The following LRRC28 variants were observed in gnomAD, a reference collection of about 807,000 sequenced individuals.
LRRC28 encodes the protein leucine rich repeat containing 28.
LRRC28 carries 39 observed loss-of-function variants against 45.7 expected under a neutral mutation model. That is an observed-to-expected ratio of 0.85 (90% CI 0.66 to 1.12). The LOEUF (loss-of-function observed/expected upper bound fraction) is 1.12, where lower values mean the gene tolerates loss of function less well. LRRC28 is among the 50% of genes most tolerant of loss of function. The probability of loss-of-function intolerance (pLI) is 0.00; values close to 1 mark genes in which losing one functional copy is unlikely to be tolerated. For missense variants in LRRC28, 435 were observed against 438.5 expected (o/e 0.99, Z 0.07); for synonymous variants, 206 against 178.8 (o/e 1.15, Z -1.22).
chr15:99,271,046 T>A (rs1222516588), intron 2 of LRRC28, among the ~76,000 whole-genome samples: 1 of 152,238 alleles, frequency 6.6e-6, no homozygotes. Flanking sequence ...ATGTGCTTGT[T>A]GGTCATTTGC....
At chr15:99,376,565 A>G (rs1342491485) in intron 9 of LRRC28, among the ~76,000 whole-genome samples, 2 of 152,118 alleles carry the variant, frequency 1.3e-5, no homozygotes, top group African/African-American at 4.8e-5. Context: ...TGTAAGTTCT[A>G]GGGTACATGT....
intron 6 of LRRC28, among the ~76,000 whole-genome samples, chr15:99,343,590 C>A (rs960533754): frequency 1.3e-5 from 2 of 152,198 alleles, no homozygotes; most frequent in Admixed American, 6.5e-5. Context: ...TGAAAAAGTT[C>A]TTTGTGGCTG....
intron 6 of LRRC28, among the ~76,000 whole-genome samples, chr15:99,341,297 G>A (rs1284962505): frequency 2.0e-5 from 3 of 151,962 alleles, no homozygotes; most frequent in African/African-American, 7.3e-5. Context: ...TCACCGTGTT[G>A]GCCAGGCTGG....
chr15:99,304,366 C>G (rs767644040), intron 5 of LRRC28, among the ~76,000 whole-genome samples: 4 of 151,612 alleles, frequency 2.6e-5, no homozygotes, highest in Non-Finnish European at 5.9e-5. Flanking sequence ...ATTGGGGTGT[C>G]TTTTGAAGAG....
intron 2 of LRRC28, chr15:99,258,254 A>G (rs1234906830): frequency 2.5e-5 from 40 of 1,576,240 alleles, no homozygotes; most frequent in Non-Finnish European, 3.3e-5. Flanking sequence ...GGTTATTGTC[A>G]CTTCAAAACA....
intron 3 of LRRC28, among the ~76,000 whole-genome samples, chr15:99,282,747 A>T (rs1160172524): frequency 6.6e-6 from 1 of 152,222 alleles, no homozygotes; most frequent in Non-Finnish European, 1.5e-5. Flanking sequence ...ACCTAACGAC[A>T]CATTTCTTAG....
rs148101783 is a variant in LRRC28 at position 99,253,057 on chromosome 15, G to A, written c.-61+1516G>A. Among the ~76,000 whole-genome samples, 962 of 151,558 alleles carry A rather than the reference G, an allele frequency of 6.3e-3. 14 individuals are homozygous for A. Among genetic ancestry groups the A allele is most frequent in the African/African-American group, 0.022 (902 of 41,390 alleles). Reference sequence around the variant, plus strand: ...AGTGACAAATTGTGAGGAGTCCTACGAAGAAAAAACAAACAGCCAAGTTCC... The same window carrying A: ...AGTGACAAATTGTGAGGAGTCCTACAAAGAAAAAACAAACAGCCAAGTTCC... On this transcript the variant is annotated intron_variant, in intron 1 of 9. Coordinates refer to ENST00000301981, the MANE Select transcript of LRRC28 (RefSeq NM_144598.5).
At chr15:99,281,155 G>A (rs1177995749) in intron 3 of LRRC28, among the ~76,000 whole-genome samples, 3 of 150,798 alleles carry the variant, frequency 2.0e-5, no homozygotes, top group Admixed American at 1.3e-4. Context: ...AGCCTCCCAA[G>A]TAGCTAGAAG....
chr15:99,302,252 C>T (rs887418382), intron 5 of LRRC28, among the ~76,000 whole-genome samples: 1 of 152,106 alleles, frequency 6.6e-6, no homozygotes, highest in Non-Finnish European at 1.5e-5. Flanking sequence ...TGGTCTCGAT[C>T]TCCTGACCTC....
At chr15:99,306,677 A>T (rs1955193047) in intron 5 of LRRC28, among the ~76,000 whole-genome samples, 1 of 152,188 alleles carries the variant, frequency 6.6e-6, no homozygotes, top group Non-Finnish European at 1.5e-5. Context: ...GAAATGAAAG[A>T]AAGTTCTGGC....
intron 2 of LRRC28, among the ~76,000 whole-genome samples, chr15:99,270,844 C>T (rs866161415): frequency 2.6e-5 from 4 of 152,142 alleles, no homozygotes; most frequent in Admixed American, 6.5e-5. Context: ...TGAGGAGCCA[C>T]CAAAAAGTGG....
chr15:99,347,421 A>T (rs987407182), intron 6 of LRRC28, among the ~76,000 whole-genome samples: 2 of 152,106 alleles, frequency 1.3e-5, no homozygotes, highest in Non-Finnish European at 2.9e-5. Flanking sequence ...ATTAGCCAGG[A>T]TGGTCTTGAT....
At chr15:99,266,427 C>T (rs927557152) in intron 2 of LRRC28, among the ~76,000 whole-genome samples, 2 of 151,858 alleles carry the variant, frequency 1.3e-5, no homozygotes, top group Admixed American at 6.6e-5. Context: ...TCATGTGAGC[C>T]CAGGAGTTTG....
intron 2 of LRRC28, among the ~76,000 whole-genome samples, chr15:99,272,120 TAAC>T (rs2081498170): frequency 6.6e-6 from 1 of 152,226 alleles, no homozygotes; most frequent in Non-Finnish European, 1.5e-5. Flanking sequence ...ATAGCTTGTA[TAAC>T]AACCCAAATG....
At chr15:99,315,661 T>A (rs1955567146) in intron 5 of LRRC28, among the ~76,000 whole-genome samples, 1 of 152,210 alleles carries the variant, frequency 6.6e-6, no homozygotes, top group Non-Finnish European at 1.5e-5. Context: ...ATTTTATGGG[T>A]AATGAAGGAG....
rs1405318169 is a variant in LRRC28, at chr15:99,378,043, T to C, written c.1032-7987T>C. On this transcript the variant is annotated intron_variant, in intron 9 of 9. Transcript: ENST00000301981. ...CAATGCAGGCCCTTTTTTGGTTCCA[T>C]ATGAACTTTAAAGTAGTTTTTTCCA... 6.6e-5 allele frequency among the ~76,000 whole-genome samples: 10 copies of C among 152,320 alleles called. No homozygotes were observed. The South Asian group carries it at 2.1e-3, about 32-fold the overall frequency.
chr15:99,261,283 C>T (rs925973352), intron 2 of LRRC28, among the ~76,000 whole-genome samples: 30 of 152,340 alleles, frequency 2.0e-4, no homozygotes, highest in African/African-American at 7.2e-4. Context: ...GAAAGCAATC[C>T]TCTCTTTGTC....
chr15:99,279,863 C>CA (rs2081732757), intron 3 of LRRC28, among the ~76,000 whole-genome samples: 1 of 152,130 alleles, frequency 6.6e-6, no homozygotes, highest in South Asian at 2.1e-4. Context: ...CACTGTTGCT[C>CA]AAAATTTTTA....
At chr15:99,253,614 T>C (rs1043392025) in intron 1 of LRRC28, among the ~76,000 whole-genome samples, 2 of 152,192 alleles carry the variant, frequency 1.3e-5, no homozygotes, top group Non-Finnish European at 2.9e-5. Flanking sequence ...CAAGGCCTAG[T>C]ATGAGTTGAT....
Sources: allele counts gnomAD v4.1 joint callset (sites outside exome capture counted in the v4.1 genomes callset), GRCh38; gene constraint gnomAD v4.1.1; transcripts MANE v1.5; gene names NCBI Gene and HGNC (gene_info 2026-07-23, HGNC 2026-07-21).